The following MGMT variants were observed in gnomAD, a reference collection of about 807,000 sequenced individuals.
The protein encoded by MGMT is methylated-DNA--protein-cysteine methyltransferase.
In MGMT, 14 loss-of-function variants were observed where a neutral mutation model predicts 15.9. The observed-to-expected ratio is 0.88, with a 90% confidence interval of 0.58 to 1.37. The LOEUF is 1.37. MGMT is among the 40% of genes most tolerant of loss of function. The probability of loss-of-function intolerance (pLI) is 0.00; values close to 1 mark genes in which losing one functional copy is unlikely to be tolerated. For synonymous variants in MGMT, 130 were observed against 118.2 expected (o/e 1.10, Z -0.65); for missense variants, 282 against 268.1 (o/e 1.05, Z -0.36).
chr10:129,585,732 C>T (rs950204980), intron 2 of MGMT, among the ~76,000 whole-genome samples: 1 of 152,060 alleles, frequency 6.6e-6, no homozygotes, highest in Non-Finnish European at 1.5e-5. Flanking sequence ...TGGTTGAGTC[C>T]GTGAGTCCGT....
intron 3 of MGMT, among the ~76,000 whole-genome samples, chr10:129,738,845 C>T (rs1245288355): frequency 1.3e-5 from 2 of 152,002 alleles, no homozygotes; most frequent in Non-Finnish European, 2.9e-5. Flanking sequence ...GGCAGAGACA[C>T]AACAAAAAAA....
At chr10:129,515,715 C>G (rs931927840) in intron 1 of MGMT, among the ~76,000 whole-genome samples, 14 of 152,254 alleles carry the variant, frequency 9.2e-5, no homozygotes, top group African/African-American at 3.1e-4. Flanking sequence ...GTGGTATGAC[C>G]TCAAGGGAAG....
intron 1 of MGMT, among the ~76,000 whole-genome samples, chr10:129,488,004 T>TACATAC (rs1554902785): frequency 1.6e-5 from 2 of 121,428 alleles, no homozygotes; most frequent in Non-Finnish European, 3.3e-5. Context: ...CACATAGGTA[T>TACATAC]ACACACACAC....
chr10:129,522,748 A>C (rs1467069334), intron 1 of MGMT, among the ~76,000 whole-genome samples: 2 of 152,154 alleles, frequency 1.3e-5, no homozygotes, highest in Non-Finnish European at 2.9e-5. Context: ...TCCCATGTCG[A>C]TGTCTGGACG....
chr10:129,741,081 A>G lies in MGMT; in HGVS notation c.275-18121A>G, dbSNP rs113984253. Reference sequence around the variant, plus strand: ...GGCTGGCCACTGGGTACCAAGGACCATGGCGGGCACTCTGGAATGCTCTGT... The same window carrying G: ...GGCTGGCCACTGGGTACCAAGGACCGTGGCGGGCACTCTGGAATGCTCTGT... On this transcript the variant is annotated intron_variant, in intron 3 of 4. Coordinates refer to ENST00000651593, the MANE Select transcript of MGMT (RefSeq NM_002412.5). Among the ~76,000 whole-genome samples the G allele has an allele frequency of 5.4e-3, 826 of 152,272 alleles. 7 individuals are homozygous for G. The highest frequency in any genetic ancestry group is 8.2e-3 in the Non-Finnish European group (556 of 68,032).
chr10:129,646,754 A>ATATATATATATATTTTTTTTTTTTTTTTT, intron 2 of MGMT, among the ~76,000 whole-genome samples: 8 of 86,654 alleles, frequency 9.2e-5, no homozygotes, highest in Non-Finnish European at 1.8e-4. Context: ...ATATATATAT[A>ATATATATATATATTTTTTTTTTTTTTTTT]TTTTCAGGGA....
chr10:129,720,680 G>A (rs990748313), intron 3 of MGMT, among the ~76,000 whole-genome samples: 3 of 152,228 alleles, frequency 2.0e-5, no homozygotes, highest in Admixed American at 6.5e-5. Context: ...GCTAGCATGT[G>A]CTCCTGAAAC....
intron 3 of MGMT, among the ~76,000 whole-genome samples, chr10:129,755,676 C>A (rs1299841123): frequency 6.6e-6 from 1 of 152,242 alleles, no homozygotes; most frequent in Non-Finnish European, 1.5e-5. Context: ...GGAAAGAGAG[C>A]CTCAGTGCTT....
intron 3 of MGMT, among the ~76,000 whole-genome samples, chr10:129,750,815 T>C (rs1030593239): frequency 3.9e-5 from 6 of 152,122 alleles, no homozygotes; most frequent in African/African-American, 1.4e-4. Flanking sequence ...GTCTGTTCTT[T>C]TACCAATGCC....
At chr10:129,616,069 T>A (rs1029345286) in intron 2 of MGMT, among the ~76,000 whole-genome samples, 1 of 152,134 alleles carries the variant, frequency 6.6e-6, no homozygotes, top group African/African-American at 2.4e-5. Flanking sequence ...GTGGAGTTCT[T>A]TGGCAGTTAG....
At chr10:129,613,595 C>G (rs140054888) in intron 2 of MGMT, among the ~76,000 whole-genome samples, 1 of 152,328 alleles carries the variant, frequency 6.6e-6, no homozygotes, top group East Asian at 1.9e-4. Context: ...GGTTCATCAT[C>G]TATCTGGTCT....
At chr10:129,546,763 G>T (rs1846102607) in intron 2 of MGMT, among the ~76,000 whole-genome samples, 2 of 152,156 alleles carry the variant, frequency 1.3e-5, no homozygotes. Context: ...TCTTCTTCAG[G>T]CCCTGAACGT....
chr10:129,510,916 G>A (rs946349109), intron 1 of MGMT, among the ~76,000 whole-genome samples: 6 of 148,882 alleles, frequency 4.0e-5, no homozygotes, highest in African/African-American at 1.5e-4. Context: ...CCAGACACAG[G>A]CACATTCTTC....
intron 2 of MGMT, among the ~76,000 whole-genome samples, chr10:129,551,051 C>T (rs946114364): frequency 2.0e-5 from 3 of 152,154 alleles, no homozygotes; most frequent in Admixed American, 6.5e-5. Flanking sequence ...CAGCCCCGTT[C>T]CCTATCAGAA....
intron 1 of MGMT, among the ~76,000 whole-genome samples, chr10:129,531,778 G>GT (rs1845934788): frequency 7.3e-6 from 1 of 137,202 alleles, no homozygotes; most frequent in South Asian, 2.7e-4. Context: ...GCGGGGGCTG[G>GT]TGGGGGTGGG....
At chr10:129,563,370 G>A (rs1846302762) in intron 2 of MGMT, among the ~76,000 whole-genome samples, 1 of 152,146 alleles carries the variant, frequency 6.6e-6, no homozygotes, top group Admixed American at 6.5e-5. Flanking sequence ...GATCTCGTTG[G>A]TGTCCTGAGG....
intron 1 of MGMT, among the ~76,000 whole-genome samples, chr10:129,470,718 A>T (rs1845221329): frequency 6.6e-6 from 1 of 152,216 alleles, no homozygotes; most frequent in Non-Finnish European, 1.5e-5. Flanking sequence ...GCCCATGCGG[A>T]TGCTCTGAAT....
chr10:129,707,195 T>G (rs1848174170), intron 2 of MGMT, among the ~76,000 whole-genome samples: 1 of 151,990 alleles, frequency 6.6e-6, no homozygotes, highest in Non-Finnish European at 1.5e-5. Context: ...AAGAATCACT[T>G]GAACCCGGGA....
chr10:129,629,387 G>A (rs546974334), intron 2 of MGMT, among the ~76,000 whole-genome samples: 4 of 152,292 alleles, frequency 2.6e-5, no homozygotes, highest in Admixed American at 6.5e-5. Flanking sequence ...TATTGTATGA[G>A]TGTATCATAG....
Sources: gnomAD v4.1 joint callset for allele counts (sites outside exome capture counted in the v4.1 genomes callset) on GRCh38, gnomAD v4.1.1 for gene constraint, MANE v1.5 for transcripts, NCBI Gene and HGNC (gene_info 2026-07-23, HGNC 2026-07-21) for gene names.